Variants in MPP4 observed in about 807,000 individuals in gnomAD.
MPP4 encodes MAGUK p55 scaffold protein 4.
In MPP4, 91 loss-of-function variants were observed where a neutral mutation model predicts 98.3. The observed-to-expected ratio is 0.93, with a 90% CI of 0.78 to 1.10. The LOEUF (loss-of-function observed/expected upper bound fraction) is 1.10, where lower values mean the gene tolerates loss of function less well. Among genes scored for constraint, MPP4 ranks in the 50% least tolerant of loss-of-function variants. The probability of loss-of-function intolerance (pLI) is 0.00; values close to 1 mark genes in which losing one functional copy is unlikely to be tolerated. For synonymous variants in MPP4, 261 were observed against 271.8 expected (o/e 0.96, Z 0.39); for missense variants, 744 against 792.9 (o/e 0.94, Z 0.74).
At chr2:201,678,102 T>C (rs1171163274) in intron 10 of MPP4, among the ~76,000 whole-genome samples, 1 of 152,178 alleles carries the variant, frequency 6.6e-6, no homozygotes, top group Non-Finnish European at 1.5e-5. Context: ...TATTTTCATA[T>C]TAGGTTTTCA....
At chr2:201,671,790 A>G (rs934163112) in intron 11 of MPP4, among the ~76,000 whole-genome samples, 1 of 152,210 alleles carries the variant, frequency 6.6e-6, no homozygotes, top group Admixed American at 6.5e-5. Context: ...AGACTCCCAC[A>G]CAATAATAGG....
At position 201,645,050 on chromosome 2, in the gene MPP4, C is replaced by A; in HGVS notation, c.*160G>T. 2 of 562,540 alleles carry A rather than the reference C, an allele frequency of 3.6e-6. No individual in the cohort carries two copies. Among genetic ancestry groups the A allele is most frequent in the Non-Finnish European group, 5.6e-6 (2 of 359,888 alleles). The allele number at this position is 562,540 out of a possible 1,614,324, so 34.8% of individuals were successfully genotyped here. On this transcript the variant is annotated 3_prime_UTR_variant, in exon 22 of 22. Transcript: ENST00000409474. ...AAGTTAAAATAGGTAACCACATAAC[C>A]ATACAATAAAAATTTTTTTCAAATA...
At chr2:201,693,517 A>G (rs906734777) in intron 2 of MPP4, among the ~76,000 whole-genome samples, 1 of 152,208 alleles carries the variant, frequency 6.6e-6, no homozygotes, top group African/African-American at 2.4e-5. Flanking sequence ...AAAGCTCAGT[A>G]TTCTCCTGAT....
At chr2:201,651,884 G>T in intron 18 of MPP4, 2 of 420,482 alleles carry the variant, frequency 4.8e-6, no homozygotes, top group Non-Finnish European at 6.4e-6. Context: ...AACCCAGGAG[G>T]TGAGGTTGTA....
chr2:201,667,188 A>C (rs1262367372), intron 12 of MPP4, among the ~76,000 whole-genome samples: 1 of 152,154 alleles, frequency 6.6e-6, no homozygotes, highest in African/African-American at 2.4e-5. Context: ...AATTCTCAAA[A>C]CTCTCTACAG....
At chr2:201,688,882 G>T (rs1429075356) in intron 4 of MPP4, among the ~76,000 whole-genome samples, 1 of 152,098 alleles carries the variant, frequency 6.6e-6, no homozygotes, top group East Asian at 1.9e-4. Context: ...CTCCCAAAGT[G>T]CTGGGATTAT....
intron 4 of MPP4, 48 bp downstream of exon 4, chr2:201,690,154 T>C: frequency 7.8e-7 from 1 of 1,283,898 alleles, no homozygotes; most frequent in Non-Finnish European, 1.1e-6. Context: ...GTGGGGAAAA[T>C]GGCACCACAT....
chr2:201,680,688 A>C, intron 10 of MPP4, 150 bp downstream of exon 10: 1 of 649,560 alleles, frequency 1.5e-6, no homozygotes, highest in Non-Finnish European at 2.6e-6. Flanking sequence ...GTTTATCGAT[A>C]AGTTGACATT....
intron 19 of MPP4, 40 bp downstream of exon 19, chr2:201,650,029 AAAC>A (rs1687673741): frequency 2.7e-6 from 4 of 1,486,794 alleles, no homozygotes; most frequent in Non-Finnish European, 3.6e-6. Flanking sequence ...TTCAAATGTA[AAAC>A]AACAAGAGGT....
chr2:201,658,558 C>T (rs201774065), intron 15 of MPP4, 40 bp from the exon 16 acceptor site: 46 of 1,570,090 alleles, frequency 2.9e-5, no homozygotes, highest in African/African-American at 2.0e-4. Context: ...TATGTGAGAG[C>T]GAGAAGTTTA....
At chr2:201,676,038 G>A (rs1157436718) in intron 10 of MPP4, among the ~76,000 whole-genome samples, 2 of 152,124 alleles carry the variant, frequency 1.3e-5, no homozygotes, top group African/African-American at 4.8e-5. Flanking sequence ...TAAGAGCCCA[G>A]GTAAGTCATA....
At chr2:201,659,504 T>G (rs1687961821) in intron 15 of MPP4, among the ~76,000 whole-genome samples, 1 of 152,226 alleles carries the variant, frequency 6.6e-6, no homozygotes, top group Non-Finnish European at 1.5e-5. Context: ...TTTACTTAAG[T>G]TCCTTCTCAA....
At chr2:201,670,540 A>T (rs1438968461) in intron 11 of MPP4, among the ~76,000 whole-genome samples, 1 of 152,246 alleles carries the variant, frequency 6.6e-6, no homozygotes, top group East Asian at 1.9e-4. Flanking sequence ...TAGAAAGTCT[A>T]ATATAAATCA....
chr2:201,688,443 A>G (rs903394620), intron 4 of MPP4, among the ~76,000 whole-genome samples: 3 of 152,186 alleles, frequency 2.0e-5, no homozygotes, highest in African/African-American at 7.2e-5. Context: ...AGGGAATACA[A>G]TTTTAGATAG....
intron 18 of MPP4, among the ~76,000 whole-genome samples, chr2:201,652,718 C>G (rs1201669628): frequency 6.6e-6 from 1 of 152,174 alleles, no homozygotes; most frequent in African/African-American, 2.4e-5. Flanking sequence ...GAGAGCCAGA[C>G]GAGAGTATGA....
In MPP4 at chr2:201,649,567, T is replaced by G; in HGVS notation, c.1584+9A>C. On this transcript the variant is annotated intron_variant, in intron 20 of 21. Coordinates refer to ENST00000409474, the MANE Select transcript of MPP4 (RefSeq NM_033066.3). ...GTTTGGGGACATAAATATTCCACCA[T>G]GGACCCACCTGAGGCTCTAGGTCCA... 1 of 1,584,050 alleles carries G rather than the reference T, an allele frequency of 6.3e-7. No homozygotes were observed. Among genetic ancestry groups the G allele is most frequent in the South Asian group, 1.2e-5 (1 of 86,680 alleles).
At chr2:201,696,645 T>C (rs1045516116) in intron 1 of MPP4, among the ~76,000 whole-genome samples, 1 of 152,180 alleles carries the variant, frequency 6.6e-6, no homozygotes, top group Non-Finnish European at 1.5e-5. Context: ...AGAGACTACA[T>C]ATTTCTGAGA....
rs1206546207 is a variant in MPP4 at position 201,669,243 on chromosome 2, G to A, written c.1012+490C>T. ...CTAATGCAGGGCCTTTTAGACAGAG[G>A]GAATCTTGAATCCAGATTACACTGT... On this transcript the variant is annotated intron_variant, in intron 12 of 21. Transcript: ENST00000409474. Among the ~76,000 whole-genome samples, 3 of 151,930 alleles carry A rather than the reference G, an allele frequency of 2.0e-5. No homozygotes were observed. In the East Asian group the frequency reaches 5.8e-4, roughly 29 times the overall value.
intron 1 of MPP4, among the ~76,000 whole-genome samples, chr2:201,694,822 GT>G (rs1195938654): frequency 6.6e-6 from 1 of 151,668 alleles, no homozygotes; most frequent in African/African-American, 2.4e-5. Context: ...GTCTCACTAT[GT>G]TGCCCAGGCT....
Sources: allele counts gnomAD v4.1 joint callset (sites outside exome capture counted in the v4.1 genomes callset), GRCh38; gene constraint gnomAD v4.1.1; transcripts MANE v1.5; gene names NCBI Gene and HGNC (gene_info 2026-07-23, HGNC 2026-07-21).